ZBTB18: variants seen among roughly 807,000 people sequenced by gnomAD.
ZBTB18 encodes zinc finger and BTB domain containing 18, also known as zinc finger and BTB domain-containing protein 18.
ZBTB18 carries 2 observed loss-of-function variants against 37.7 expected under a neutral mutation model. The ratio of observed to expected loss-of-function variants is 0.05; its 90% CI spans 0.02 to 0.17. The LOEUF is 0.17. ZBTB18 is among the 10% of genes least tolerant of loss of function. The pLI, the probability that ZBTB18 is intolerant of heterozygous loss-of-function variation, is 1.00. For synonymous variants in ZBTB18, 304 were observed against 276.5 expected (o/e 1.10, Z -0.99); for missense variants, 408 against 686.3 (o/e 0.59, Z 4.53).
In ZBTB18 at chr1:244,056,587, T is replaced by TTC. The variant is rs199884785; in HGVS notation, c.*1223_*1224dup. 9.2e-5 allele frequency: 15 copies of TTC among 162,292 alleles called. No homozygotes were observed. Among genetic ancestry groups the TTC allele is most frequent in the Non-Finnish European group, 1.5e-4 (10 of 66,886 alleles). 10.1% of individuals were successfully genotyped at this position (162,292 alleles called of 1,614,324 possible). ...TACTGCACAAGTTGACAATAGGTCG[T>TTC]TCTCTCTTTTTTTTTGTTTGCTCCC... is the stretch of plus-strand genomic sequence containing the variant. On this transcript the variant is annotated 3_prime_UTR_variant, in exon 2 of 2. Transcript: ENST00000358704.
upstream of ZBTB18, among the ~76,000 whole-genome samples, chr1:244,050,989 A>G (rs1449658890): frequency 1.3e-5 from 2 of 152,356 alleles, no homozygotes; most frequent in African/African-American, 4.8e-5. Flanking sequence ...CAGTCCACCA[A>G]CTTAAGACAG....
chr1:244,054,874 A>C lies in ZBTB18; in HGVS notation c.1100A>C (p.Tyr367Ser). ...EGGMESSLLP[Y>S]VSNILSPAGQ... is the part of the protein sequence containing the mutation. ...GGCATGGAGAGCAGTCTGCTCCCCT[A>C]CGTCTCCAACATCCTGAGCCCCGCG... is the stretch of plus-strand genomic sequence containing the variant. The change falls in exon 2 of 2, where the codon TAC (tyrosine) becomes TCC (serine). Residue 367 changes from tyrosine (Y) to serine (S), a missense_variant. Physicochemically the swap from Tyr to Ser is moderately radical, Grantham distance 144. This residue lies in a region of ZBTB18 where 266 missense variants were observed against 312.0 expected (regional missense o/e 0.85). Coordinates refer to ENST00000358704, the MANE Select transcript of ZBTB18 (RefSeq NM_205768.3). This position sits in a 1 kb window ranked among gnomAD's most constrained non-coding sequence, Gnocchi z 9.0. 1 of 1,614,080 alleles carries C rather than the reference A, an allele frequency of 6.2e-7. No homozygotes were observed. The highest frequency in any genetic ancestry group is 8.5e-7 in the Non-Finnish European group (1 of 1,180,000).
upstream of ZBTB18, among the ~76,000 whole-genome samples, chr1:244,050,273 G>T (rs1698320247): frequency 6.6e-6 from 1 of 152,160 alleles, no homozygotes; most frequent in Non-Finnish European, 1.5e-5. Context: ...ATTCAGAGAT[G>T]TCGCAGCACC....
chr1:244,050,396 C>CA (rs1158099851), upstream of ZBTB18, among the ~76,000 whole-genome samples: 1 of 150,948 alleles, frequency 6.6e-6, no homozygotes, highest in Non-Finnish European at 1.5e-5. Context: ...GGCTTCCCCC[C>CA]ACACAAAGAT....
upstream of ZBTB18, among the ~76,000 whole-genome samples, chr1:244,048,574 G>C (rs951013645): frequency 6.8e-5 from 10 of 146,860 alleles, no homozygotes; most frequent in Non-Finnish European, 1.3e-4. Context: ...CGGCGCCGCC[G>C]CGTGCGTGCG....
Position 244,053,609 on chromosome 1 carries a change from T to C in ZBTB18, c.14-179T>C. On this transcript the variant is annotated intron_variant, in intron 1 of 1. Coordinates refer to ENST00000358704, the MANE Select transcript of ZBTB18 (RefSeq NM_205768.3). The surrounding 1 kb of genome is among the most constrained non-coding windows in gnomAD (Gnocchi z 5.2). ...TGAGGAAGTTCAGAAAGTGTGCATT[T>C]TCCTTCTGGCATTTAGGTCTTGTCC... The C allele has an allele frequency of 2.1e-6, 1 of 486,668 alleles. No homozygotes were observed. The highest frequency in any genetic ancestry group is 2.1e-5 in the African/African-American group (1 of 47,732). 30.1% of individuals were successfully genotyped at this position (486,668 alleles called of 1,614,324 possible). A position where few individuals can be genotyped will look rare whatever the true frequency, so the allele number is the denominator to read the frequency against.
chr1:244,054,893 C>G lies in ZBTB18; in HGVS notation c.1119C>G (p.Ser373Arg), dbSNP rs767684182. 6.2e-7 allele frequency: 1 copy of G among 1,614,166 alleles called. No homozygotes were observed. Among genetic ancestry groups the G allele is most frequent in the South Asian group, 1.1e-5 (1 of 91,080 alleles). Reference protein sequence around the residue: ...SLLPYVSNILSPAGQIFMCPL... With the variant: ...SLLPYVSNILRPAGQIFMCPL... The stretch of plus-strand genomic sequence containing the variant: ...TCCCCTACGTCTCCAACATCCTGAG[C>G]CCCGCGGGCCAGATCTTCATGTGCC... Residue 373 changes from serine (S) to arginine (R), a missense_variant, in exon 2 of 2, where the codon AGC (serine) becomes AGG (arginine). Around this residue, in one of 4 missense-constraint regions of ZBTB18, gnomAD observed 266 missense variants for 312.0 expected, o/e 0.85. Coordinates refer to ENST00000358704, the MANE Select transcript of ZBTB18 (RefSeq NM_205768.3). This position sits in a 1 kb window ranked among gnomAD's most constrained non-coding sequence, Gnocchi z 9.0.
chr1:244,051,981 A>G (rs1698365651), intron 1 of ZBTB18, among the ~76,000 whole-genome samples: 2 of 152,200 alleles, frequency 1.3e-5, no homozygotes, highest in South Asian at 2.1e-4. Flanking sequence ...TTTTGTCCCC[A>G]GGAGAATAGT....
chr1:244,049,869 C>T (rs1698314193), upstream of ZBTB18, among the ~76,000 whole-genome samples: 1 of 152,046 alleles, frequency 6.6e-6, no homozygotes, highest in Non-Finnish European at 1.5e-5. Context: ...AGTTGCTGGC[C>T]CATTGCGGTG....
chr1:244,054,404 A>C lies in ZBTB18; in HGVS notation c.630A>C (p.Ala210=). The C allele has an allele frequency of 6.2e-7, 1 of 1,614,228 alleles. No homozygotes were observed. Among genetic ancestry groups the C allele is most frequent in the Non-Finnish European group, 8.5e-7 (1 of 1,180,046 alleles). The change falls in exon 2 of 2, where the codon GCA becomes GCC. Residue 210 remains alanine (A), a synonymous_variant. Transcript: ENST00000358704. The surrounding 1 kb of genome is among the most constrained non-coding windows in gnomAD (Gnocchi z 9.0). The stretch of plus-strand genomic sequence containing the variant: ...GCATCCCCCAGGCTGGCGGAGAGGC[A>C]GAGCCACACGCCACAGCAGCTGGAA... ...SAGIPQAGGE[A]EPHATAAGKT...
At position 244,051,507 on chromosome 1, in the gene ZBTB18, T is replaced by TAA. The variant is rs568066716; in HGVS notation, c.13+67_13+68dup. ...TTTTGGTGTTTTGTTTATTTAATTT[T>TAA]AAAAATCACATTACTTTTCTAACCC... On this transcript the variant is annotated intron_variant, in intron 1 of 1. Transcript: ENST00000358704. The TAA allele has an allele frequency of 1.2e-4, 185 of 1,591,564 alleles. No individual in the cohort carries two copies. The East Asian group carries it at 3.9e-3, about 33-fold the overall frequency.
chr1:244,048,646 C>A (rs1377290643), upstream of ZBTB18, among the ~76,000 whole-genome samples: 7 of 146,970 alleles, frequency 4.8e-5, no homozygotes, highest in African/African-American at 1.7e-4. Context: ...CCCGCCCCCG[C>A]CCCCCCACCC....
chr1:244,049,403 C>T (rs916479981), upstream of ZBTB18, among the ~76,000 whole-genome samples: 6 of 145,506 alleles, frequency 4.1e-5, no homozygotes, highest in Non-Finnish European at 7.5e-5. Context: ...GCAGTGGCGC[C>T]CGGGACGGCC....
Position 244,055,109 on chromosome 1 carries a change from G to A in ZBTB18, c.1335G>A (p.Lys445=). The A allele has an allele frequency of 6.2e-7, 1 of 1,614,208 alleles. No individual in the cohort carries two copies. The highest frequency in any genetic ancestry group is 8.5e-7 in the Non-Finnish European group (1 of 1,180,048). Residue 445 remains lysine, a synonymous_variant, in exon 2 of 2, where the codon AAG becomes AAA. Coordinates refer to ENST00000358704, the MANE Select transcript of ZBTB18 (RefSeq NM_205768.3). This position sits in a 1 kb window ranked among gnomAD's most constrained non-coding sequence, Gnocchi z 7.0. The part of the protein sequence containing the change: ...KRHERTHSGE[K]PYTCTQCGKS... ...ACGAGAGGACTCACTCGGGGGAGAAGCCCTACACATGCACCCAGTGCGGCA... is the reference window on the plus strand; with the variant it reads ...ACGAGAGGACTCACTCGGGGGAGAAACCCTACACATGCACCCAGTGCGGCA...
In ZBTB18 at chr1:244,054,591, G is replaced by C. The variant is rs748735173; in HGVS notation, c.817G>C (p.Val273Leu). Residue 273 changes from valine (V) to leucine (L), a missense_variant, in exon 2 of 2, where the codon GTG becomes CTG. Around this residue, in one of 4 missense-constraint regions of ZBTB18, gnomAD observed 266 missense variants for 312.0 expected, o/e 0.85. Transcript: ENST00000358704. This position sits in a 1 kb window ranked among gnomAD's most constrained non-coding sequence, Gnocchi z 9.0. Reference sequence around the variant, plus strand: ...CAGCTCTTATTTCTCTTCACAGGACGTGCTGAGAAGCAACCTGGTGCAGGT... The same window carrying C: ...CAGCTCTTATTTCTCTTCACAGGACCTGCTGAGAAGCAACCTGGTGCAGGT... ...LNSSYFSSQD[V>L]LRSNLVQVKV... is the part of the protein sequence containing the mutation. The C allele has an allele frequency of 6.2e-7, 1 of 1,614,230 alleles. No homozygotes were observed. The highest frequency in any genetic ancestry group is 8.5e-7 in the Non-Finnish European group (1 of 1,180,026).
chr1:244,051,460 G>C lies in ZBTB18; in HGVS notation c.13+16G>C. Reference sequence around the variant, plus strand: ...TGTCCTAAAGGTAGGAGTAGCAAGAGATTAGATTGAGCATATTTCTGTTTT... The same window carrying C: ...TGTCCTAAAGGTAGGAGTAGCAAGACATTAGATTGAGCATATTTCTGTTTT... On this transcript the variant is annotated intron_variant, in intron 1 of 1. Coordinates refer to ENST00000358704, the MANE Select transcript of ZBTB18 (RefSeq NM_205768.3). 1 of 1,613,914 alleles carries C rather than the reference G, an allele frequency of 6.2e-7. No individual in the cohort carries two copies. Among genetic ancestry groups the C allele is most frequent in the Non-Finnish European group, 8.5e-7 (1 of 1,179,932 alleles).
At chr1:244,052,503 C>G (rs1698373691) in intron 1 of ZBTB18, among the ~76,000 whole-genome samples, 1 of 152,174 alleles carries the variant, frequency 6.6e-6, no homozygotes, top group Admixed American at 6.5e-5. Context: ...TGTATCTATT[C>G]CCAAAATGCA....
Position 244,055,798 on chromosome 1 carries a change from A to AT in ZBTB18, c.*434dup, listed in dbSNP as rs1698456117. On this transcript the variant is annotated 3_prime_UTR_variant, in exon 2 of 2. Transcript: ENST00000358704. The surrounding 1 kb of genome is among the most constrained non-coding windows in gnomAD (Gnocchi z 7.0). ...TCTTTATATGTCTCAAATTGCATGA[A>AT]TTTTTTCTGGCTGTTGGAAACCTGA... 3 of 166,392 alleles carry AT rather than the reference A, an allele frequency of 1.8e-5. No homozygotes were observed. The highest frequency in any genetic ancestry group is 6.6e-5 in the Admixed American group (1 of 15,220). The allele number at this position is 166,392 out of a possible 1,614,324, so 10.3% of individuals were successfully genotyped here. A position where few individuals can be genotyped will look rare whatever the true frequency, so the allele number is the denominator to read the frequency against.
upstream of ZBTB18, chr1:244,049,021 C>T (rs2148551310): frequency 6.8e-6 from 1 of 147,746 alleles, no homozygotes; most frequent in East Asian, 2.0e-4. Flanking sequence ...CCCCTGGCCC[C>T]TGACCTGGCG....
Sources: allele counts gnomAD v4.1 joint callset (sites outside exome capture counted in the v4.1 genomes callset), GRCh38; gene constraint gnomAD v4.1.1; regional missense constraint gnomAD v4.1.1; non-coding constraint Gnocchi (gnomAD v3.1); transcripts MANE v1.5; gene names NCBI Gene and HGNC (gene_info 2026-07-23, HGNC 2026-07-21).